The following ARHGAP6 variants were observed in gnomAD, a reference collection of about 807,000 sequenced individuals.
ARHGAP6 encodes rho GTPase-activating protein 6.
Under a neutral mutation model 55.7 loss-of-function variants are expected in ARHGAP6, and 16 were observed. That is an observed-to-expected ratio of 0.29 (90% CI 0.19 to 0.44). The LOEUF (loss-of-function observed/expected upper bound fraction) is 0.44. ARHGAP6 is among the 20% of genes least tolerant of loss of function. ARHGAP6 has a pLI of 1.00. For synonymous variants in ARHGAP6, 382 were observed against 360.9 expected (o/e 1.06, Z -0.66); for missense variants, 698 against 808.9 (o/e 0.86, Z 1.66).
chrX:11,362,978 A>G (rs1308045808), intron 1 of ARHGAP6, among the ~76,000 whole-genome samples: 1 of 112,254 alleles, frequency 8.9e-6, no homozygotes, highest in African/African-American at 3.2e-5. Flanking sequence ...ACATGCGCAT[A>G]TAAAAAGCAC....
chrX:11,455,128 G>A (rs1438367651), intron 1 of ARHGAP6, among the ~76,000 whole-genome samples: 1 of 111,841 alleles, frequency 8.9e-6, no homozygotes, highest in African/African-American at 3.3e-5. Flanking sequence ...GGCAGTGGAA[G>A]AAATTCCTAT....
At chrX:11,194,659 C>A (rs2147357283) in intron 3 of ARHGAP6, among the ~76,000 whole-genome samples, 1 of 112,231 alleles carries the variant, frequency 8.9e-6, no homozygotes, top group South Asian at 3.7e-4. Flanking sequence ...CACAGGACAG[C>A]CCCTACCCCA....
intron 1 of ARHGAP6, among the ~76,000 whole-genome samples, chrX:11,602,005 G>C (rs1336348904): frequency 9.0e-6 from 1 of 111,685 alleles, no homozygotes; most frequent in East Asian, 2.8e-4. Context: ...TGTGTATGGA[G>C]GTGAGAGGGG....
chrX:11,324,710 A>G (rs1016121241), intron 1 of ARHGAP6, among the ~76,000 whole-genome samples: 2 of 112,157 alleles, frequency 1.8e-5, no homozygotes, highest in African/African-American at 6.5e-5. Context: ...ATGGACTAAA[A>G]TGGCGGGTAT....
chrX:11,610,562 C>T (rs2052090467), intron 1 of ARHGAP6, among the ~76,000 whole-genome samples: 6 of 111,905 alleles, frequency 5.4e-5, no homozygotes. Context: ...CACTTGCCAA[C>T]ATCTGAAACA....
At chrX:11,464,924 C>T (rs1013620390) in intron 1 of ARHGAP6, among the ~76,000 whole-genome samples, 6 of 111,954 alleles carry the variant, frequency 5.4e-5, no homozygotes, top group African/African-American at 1.9e-4. Context: ...AAGTCAGAAC[C>T]GGCTTCCAAG....
chrX:11,620,555 C>T (rs1420475311), intron 1 of ARHGAP6, among the ~76,000 whole-genome samples: 1 of 112,407 alleles, frequency 8.9e-6, no homozygotes, highest in Non-Finnish European at 1.9e-5. Context: ...GACGAAAAGT[C>T]CTCTACTTAC....
At chrX:11,613,273 G>A (rs767358883) in intron 1 of ARHGAP6, among the ~76,000 whole-genome samples, 4 of 112,306 alleles carry the variant, frequency 3.6e-5, no homozygotes, top group Non-Finnish European at 7.5e-5. Context: ...TGAGGAACAG[G>A]GCTCATTTGA....
chrX:11,351,737 C>T (rs2048865815), intron 1 of ARHGAP6: 2 of 181,880 alleles, frequency 1.1e-5, no homozygotes, highest in Non-Finnish European at 8.5e-6. Flanking sequence ...AAGCCAACTC[C>T]AGTCCTGACA....
chrX:11,211,847 A>G (rs1396329072), intron 2 of ARHGAP6, among the ~76,000 whole-genome samples: 1 of 112,154 alleles, frequency 8.9e-6, no homozygotes, highest in Non-Finnish European at 1.9e-5. Context: ...AGCTGGGAAC[A>G]GTTTTTAAAA....
At chrX:11,214,583 C>T (rs1415862579) in intron 2 of ARHGAP6, among the ~76,000 whole-genome samples, 2 of 112,785 alleles carry the variant, frequency 1.8e-5, no homozygotes, top group Non-Finnish European at 3.8e-5. Context: ...GCTTCCTTTG[C>T]CAGGATGAGG....
chrX:11,315,218 G>T (rs376319902), intron 1 of ARHGAP6, among the ~76,000 whole-genome samples: 24 of 112,486 alleles, frequency 2.1e-4, no homozygotes, highest in African/African-American at 7.4e-4. Flanking sequence ...CCAGGGACCG[G>T]TTTTGTGGAA....
intron 1 of ARHGAP6, among the ~76,000 whole-genome samples, chrX:11,332,365 T>A (rs2048573521): frequency 8.9e-6 from 1 of 112,101 alleles, no homozygotes; most frequent in African/African-American, 3.2e-5. Context: ...AACTTTTTTC[T>A]TGATGCAAAC....
At chrX:11,209,696 A>G (rs1411433137) in intron 2 of ARHGAP6, among the ~76,000 whole-genome samples, 16 of 112,242 alleles carry the variant, frequency 1.4e-4, no homozygotes, top group African/African-American at 5.2e-4. Context: ...TAAGTGTATG[A>G]ATATTTTATT....
At chrX:11,359,056 C>A (rs1402146504) in intron 1 of ARHGAP6, among the ~76,000 whole-genome samples, 2 of 112,023 alleles carry the variant, frequency 1.8e-5, no homozygotes, top group Non-Finnish European at 3.8e-5. Context: ...TGGGTAAATT[C>A]CCCATTCATT....
intron 2 of ARHGAP6, chrX:11,224,261 A>G (rs1005616227): frequency 2.9e-5 from 5 of 171,352 alleles, no homozygotes; most frequent in Admixed American, 8.4e-5. Context: ...AAGAAAGAAG[A>G]AGGAGCCGAA....
intron 1 of ARHGAP6, among the ~76,000 whole-genome samples, chrX:11,554,490 G>A (rs1207646019): frequency 8.9e-6 from 1 of 111,822 alleles, no homozygotes; most frequent in Non-Finnish European, 1.9e-5. Flanking sequence ...TCGAGGTGAT[G>A]GATACCCTAA....
chrX:11,498,709 T>G (rs1391394334), intron 1 of ARHGAP6, among the ~76,000 whole-genome samples: 1 of 111,479 alleles, frequency 9.0e-6, no homozygotes, highest in Non-Finnish European at 1.9e-5. Context: ...AAACCAAAGT[T>G]TGAGTATATC....
chrX:11,336,950 G>C (rs1335277093), intron 1 of ARHGAP6, among the ~76,000 whole-genome samples: 2 of 110,998 alleles, frequency 1.8e-5, no homozygotes, highest in African/African-American at 3.3e-5. Context: ...ATCCCAGGGA[G>C]ACGTACACCG....
Sources: allele counts gnomAD v4.1 joint callset (sites outside exome capture counted in the v4.1 genomes callset), GRCh38; gene constraint gnomAD v4.1.1; transcripts MANE v1.5; gene names NCBI Gene and HGNC (gene_info 2026-07-23, HGNC 2026-07-21).